Variants in ATXN1 observed in about 807,000 individuals in gnomAD.
The protein encoded by ATXN1 is ataxin-1.
A neutral mutation model predicts 56.4 loss-of-function variants in ATXN1; 8 were observed. The ratio of observed to expected loss-of-function variants is 0.14; its 90% CI spans 0.08 to 0.26. The LOEUF (loss-of-function observed/expected upper bound fraction) is 0.26. Ranked by LOEUF, ATXN1 falls within the 10% of genes least tolerant of loss-of-function variation. The pLI is 1.00. For synonymous variants in ATXN1, 514 were observed against 494.6 expected (o/e 1.04, Z -0.52); for missense variants, 987 against 1,106.5 (o/e 0.89, Z 1.53).
chr6:16,697,060 G>A (rs961305937), intron 2 of ATXN1, among the ~76,000 whole-genome samples: 1 of 152,166 alleles, frequency 6.6e-6, no homozygotes, highest in Non-Finnish European at 1.5e-5. Flanking sequence ...ACACCACCAC[G>A]TTACAGTGGA....
At chr6:16,460,831 G>A (rs1759978274) in intron 6 of ATXN1, among the ~76,000 whole-genome samples, 1 of 152,120 alleles carries the variant, frequency 6.6e-6, no homozygotes, top group African/African-American at 2.4e-5. Context: ...TTCCCCCCAC[G>A]GACCAGCGCC....
chr6:16,627,306 A>G (rs1443600273), intron 3 of ATXN1, among the ~76,000 whole-genome samples: 1 of 152,314 alleles, frequency 6.6e-6, no homozygotes, highest in Middle Eastern at 3.4e-3. Context: ...ACCTTCTAAG[A>G]TGTGAGAGAT....
At chr6:16,722,434 A>G (rs1480563677) in intron 2 of ATXN1, among the ~76,000 whole-genome samples, 1 of 152,256 alleles carries the variant, frequency 6.6e-6, no homozygotes, top group East Asian at 1.9e-4. Context: ...GAAAAGATAC[A>G]TTTAAATGAA....
intron 6 of ATXN1, among the ~76,000 whole-genome samples, chr6:16,484,613 C>T (rs1760504450): frequency 6.6e-6 from 1 of 152,094 alleles, no homozygotes; most frequent in South Asian, 2.1e-4. Flanking sequence ...CCAACGTGTA[C>T]AGAATGGAAA....
At chr6:16,397,299 C>T (rs935006117) in intron 6 of ATXN1, among the ~76,000 whole-genome samples, 1 of 151,902 alleles carries the variant, frequency 6.6e-6, no homozygotes, top group Non-Finnish European at 1.5e-5. Flanking sequence ...GAGATGAAGT[C>T]TCGTTCTGTC....
chr6:16,569,690 G>C (rs1263008504), intron 4 of ATXN1, among the ~76,000 whole-genome samples: 1 of 152,158 alleles, frequency 6.6e-6, no homozygotes, highest in Non-Finnish European at 1.5e-5. Flanking sequence ...AGTTGTGGCA[G>C]AAACTGGTTA....
chr6:16,400,469 T>G (rs534446278), intron 6 of ATXN1, among the ~76,000 whole-genome samples: 1 of 152,090 alleles, frequency 6.6e-6, no homozygotes, highest in African/African-American at 2.4e-5. Context: ...CATTTATTGT[T>G]GCAAGGTACA....
At chr6:16,632,665 A>G (rs1276522664) in intron 3 of ATXN1, among the ~76,000 whole-genome samples, 2 of 143,134 alleles carry the variant, frequency 1.4e-5, no homozygotes. Flanking sequence ...GAGGGGGGTT[A>G]AGAAAAAAAA....
chr6:16,467,334 C>T (rs184001567), intron 6 of ATXN1, among the ~76,000 whole-genome samples: 4 of 152,318 alleles, frequency 2.6e-5, no homozygotes, highest in East Asian at 1.9e-4. Flanking sequence ...GCGATGTGGC[C>T]GGGAGTTAGC....
intron 6 of ATXN1, among the ~76,000 whole-genome samples, chr6:16,353,070 TG>T (rs1054593027): frequency 4.6e-4 from 70 of 152,214 alleles, no homozygotes; most frequent in African/African-American, 1.7e-3. Context: ...GGGTAAGGCG[TG>T]AGATTTTATC....
chr6:16,583,475 G>GT (rs768454347), intron 4 of ATXN1, among the ~76,000 whole-genome samples: 48 of 152,168 alleles, frequency 3.2e-4, no homozygotes, highest in Non-Finnish European at 6.2e-4. Context: ...GGGTGTGGCG[G>GT]GGGGGTCTCT....
chr6:16,586,060 C>A (rs766554670), intron 3 of ATXN1, among the ~76,000 whole-genome samples, 153 bp from the exon 4 acceptor site: 2 of 152,118 alleles, frequency 1.3e-5, no homozygotes, highest in Non-Finnish European at 2.9e-5. Context: ...CACACACACA[C>A]ACACACAAGG....
At chr6:16,315,278 C>A (rs1760483954) in intron 7 of ATXN1, among the ~76,000 whole-genome samples, 1 of 152,182 alleles carries the variant, frequency 6.6e-6, no homozygotes, top group Non-Finnish European at 1.5e-5. Context: ...ACCTTGGAAT[C>A]ATACTTTCTT....
chr6:16,566,788 A>G (rs1406217729), intron 4 of ATXN1, among the ~76,000 whole-genome samples: 2 of 151,712 alleles, frequency 1.3e-5, no homozygotes, highest in East Asian at 2.0e-4. Flanking sequence ...TCTGGGAGGC[A>G]AAGGTTGCAG....
chr6:16,558,445 A>T (rs2113735925), intron 4 of ATXN1, among the ~76,000 whole-genome samples: 1 of 152,206 alleles, frequency 6.6e-6, no homozygotes, highest in Admixed American at 6.5e-5. Flanking sequence ...CACGACCATA[A>T]CTCACTGCAG....
rs186503228 is a variant in ATXN1 at position 16,753,026 on chromosome 6, G to C, written c.-615+207C>G. On this transcript the variant is annotated intron_variant, in intron 2 of 7. Coordinates refer to ENST00000436367, the MANE Select transcript of ATXN1 (RefSeq NM_001128164.2). ...AAATGAAAGTCTTCATGAACATATA[G>C]ATTAAACCAAATAGATAGATACTTT... 1.9e-4 allele frequency: 66 copies of C among 338,702 alleles called. No homozygotes were observed. In the East Asian group the frequency reaches 4.7e-3, roughly 24 times the overall value. 21.0% of individuals were successfully genotyped at this position (338,702 alleles called of 1,614,324 possible).
At chr6:16,558,912 C>A (rs1762064811) in intron 4 of ATXN1, among the ~76,000 whole-genome samples, 1 of 151,430 alleles carries the variant, frequency 6.6e-6, no homozygotes, top group African/African-American at 2.4e-5. Context: ...CTGTTACATG[C>A]TCCTAAAAAA....
intron 2 of ATXN1, among the ~76,000 whole-genome samples, chr6:16,698,469 C>T (rs1469821095): frequency 6.6e-6 from 1 of 152,160 alleles, no homozygotes; most frequent in African/African-American, 2.4e-5. Context: ...AACATCTCAA[C>T]AGCTACGGCA....
chr6:16,316,805 T>A lies in ATXN1; in HGVS notation c.1917+9589A>T, dbSNP rs190495036. On this transcript the variant is annotated intron_variant, in intron 7 of 7. Coordinates refer to ENST00000436367, the MANE Select transcript of ATXN1 (RefSeq NM_001128164.2). ...AAAGAATAGTTCTGTTTGCCTTCTG[T>A]ATGGAAAAACATTGCAATGGTACAA... Among the ~76,000 whole-genome samples, 590 of 147,666 alleles carry A rather than the reference T, an allele frequency of 4.0e-3. 4 individuals are homozygous for A. Among genetic ancestry groups the A allele is most frequent in the South Asian group, 0.022 (99 of 4,560 alleles).
Sources: allele counts gnomAD v4.1 joint callset (sites outside exome capture counted in the v4.1 genomes callset), GRCh38; gene constraint gnomAD v4.1.1; transcripts MANE v1.5; gene names NCBI Gene and HGNC (gene_info 2026-07-23, HGNC 2026-07-21).